The following CHCHD6 variants were observed in gnomAD, a reference collection of about 807,000 sequenced individuals.
CHCHD6 encodes MICOS complex subunit MIC25.
A neutral mutation model predicts 32.3 loss-of-function variants in CHCHD6; 28 were observed. That is an observed-to-expected ratio of 0.87 (90% CI 0.64 to 1.19). CHCHD6 has a LOEUF of 1.19. CHCHD6 is among the 50% of genes most tolerant of loss of function. The probability of loss-of-function intolerance (pLI) is 0.00; values close to 1 mark genes in which losing one functional copy is unlikely to be tolerated. For missense variants in CHCHD6, 333 were observed against 307.0 expected, an observed-to-expected ratio of 1.08 and a Z score of -0.63; for synonymous variants, 122 against 117.5, an observed-to-expected ratio of 1.04 and a Z score of -0.25.
intron 4 of CHCHD6, among the ~76,000 whole-genome samples, chr3:126,766,021 A>AT (rs1253187429): frequency 2.6e-5 from 4 of 152,030 alleles, no homozygotes; most frequent in Non-Finnish European, 4.4e-5. Context: ...TGTAAGGGAC[A>AT]TTTTTTCTGA....
At chr3:126,752,009 C>G (rs982395738) in intron 4 of CHCHD6, among the ~76,000 whole-genome samples, 9 of 152,224 alleles carry the variant, frequency 5.9e-5, no homozygotes, top group African/African-American at 2.2e-4. Flanking sequence ...TTAAAAATCA[C>G]AGCTTTTAGG....
intron 5 of CHCHD6, among the ~76,000 whole-genome samples, chr3:126,914,311 G>A (rs888486574): frequency 3.9e-5 from 6 of 152,178 alleles, no homozygotes; most frequent in Non-Finnish European, 1.5e-5. Flanking sequence ...CTCTATCATA[G>A]CTCCTCAACT....
intron 4 of CHCHD6, among the ~76,000 whole-genome samples, chr3:126,738,500 G>A (rs984134331): frequency 1.3e-5 from 2 of 152,156 alleles, no homozygotes; most frequent in Non-Finnish European, 2.9e-5. Context: ...CATTTTTATT[G>A]TCTTGTTCCT....
At chr3:126,869,190 C>T (rs1276255804) in intron 5 of CHCHD6, among the ~76,000 whole-genome samples, 1 of 151,934 alleles carries the variant, frequency 6.6e-6, no homozygotes, top group Non-Finnish European at 1.5e-5. Context: ...AACAAATAGG[C>T]TCACAGTTTA....
At chr3:126,904,586 A>G (rs1474074609) in intron 5 of CHCHD6, among the ~76,000 whole-genome samples, 3 of 152,220 alleles carry the variant, frequency 2.0e-5, no homozygotes, top group Admixed American at 6.5e-5. Flanking sequence ...ACACACAACT[A>G]CATACATCGG....
At chr3:126,772,024 G>C (rs1441091061) in intron 4 of CHCHD6, among the ~76,000 whole-genome samples, 1 of 152,096 alleles carries the variant, frequency 6.6e-6, no homozygotes, top group African/African-American at 2.4e-5. Context: ...TTAATTGTCT[G>C]CCTCAGTGGT....
At chr3:126,801,886 C>G (rs569346573) in intron 4 of CHCHD6, among the ~76,000 whole-genome samples, 1 of 152,324 alleles carries the variant, frequency 6.6e-6, no homozygotes, top group Non-Finnish European at 1.5e-5. Context: ...AACGATCAGA[C>G]AGCAGCATTC....
intron 4 of CHCHD6, among the ~76,000 whole-genome samples, chr3:126,772,304 T>C (rs144513250): frequency 0.037 from 5,627 of 152,246 alleles, 336 homozygotes; most frequent in African/African-American, 0.13. Context: ...GGTTTCACCA[T>C]GTTAGCCAGG....
intron 5 of CHCHD6, among the ~76,000 whole-genome samples, chr3:126,896,300 C>G (rs753338269): frequency 3.3e-5 from 5 of 152,184 alleles, no homozygotes; most frequent in Non-Finnish European, 4.4e-5. Flanking sequence ...CTCTCCTCTG[C>G]TCTTTGGGAC....
At chr3:126,764,653 T>C (rs1937291540) in intron 4 of CHCHD6, among the ~76,000 whole-genome samples, 1 of 152,128 alleles carries the variant, frequency 6.6e-6, no homozygotes, top group Non-Finnish European at 1.5e-5. Context: ...GGCTAGGACT[T>C]CGGGTGCTGC....
intron 4 of CHCHD6, among the ~76,000 whole-genome samples, chr3:126,847,328 G>T (rs1302873410): frequency 6.6e-6 from 1 of 152,132 alleles, no homozygotes; most frequent in African/African-American, 2.4e-5. Context: ...TGGACTGAGG[G>T]CCTCCGGTCC....
At chr3:126,936,678 C>T (rs1356702295) in intron 6 of CHCHD6, among the ~76,000 whole-genome samples, 1 of 152,142 alleles carries the variant, frequency 6.6e-6, no homozygotes, top group African/African-American at 2.4e-5. Context: ...ACCTCAGCCT[C>T]CCAAGTAGCT....
At chr3:126,776,936 A>G (rs1005072927) in intron 4 of CHCHD6, among the ~76,000 whole-genome samples, 1 of 152,200 alleles carries the variant, frequency 6.6e-6, no homozygotes, top group Non-Finnish European at 1.5e-5. Context: ...AGAAAGTGCC[A>G]GAGCTGTAGG....
intron 5 of CHCHD6, among the ~76,000 whole-genome samples, chr3:126,902,750 G>A (rs530729854): frequency 1.1e-4 from 16 of 150,832 alleles, no homozygotes; most frequent in South Asian, 1.1e-3. Flanking sequence ...TGTAGTGCTC[G>A]GAGACAAGAC....
intron 3 of CHCHD6, among the ~76,000 whole-genome samples, chr3:126,732,691 G>A (rs1256785042): frequency 1.3e-5 from 2 of 152,320 alleles, no homozygotes; most frequent in East Asian, 1.9e-4. Context: ...TATTCAGAAT[G>A]AAGAGTTAAA....
intron 6 of CHCHD6, among the ~76,000 whole-genome samples, chr3:126,947,087 C>T (rs1242491102): frequency 3.3e-5 from 5 of 152,242 alleles, no homozygotes; most frequent in Non-Finnish European, 5.9e-5. Context: ...CGTCTGGTCC[C>T]GAATCCCTCT....
At chr3:126,949,871 A>C (rs2078693053) in intron 6 of CHCHD6, 1 of 154,160 alleles carries the variant, frequency 6.5e-6, no homozygotes, top group Non-Finnish European at 1.4e-5. Flanking sequence ...GCCTTGCCAT[A>C]GATGAGAAGG....
chr3:126,878,841 A>T (rs2077572307), intron 5 of CHCHD6, among the ~76,000 whole-genome samples: 1 of 152,220 alleles, frequency 6.6e-6, no homozygotes, highest in Non-Finnish European at 1.5e-5. Context: ...CTTTGATAAT[A>T]GCATCAGGCA....
At position 126,887,462 on chromosome 3, in the gene CHCHD6, C is replaced by T. The variant is rs373476643; in HGVS notation, c.496-27218C>T. ...ATGCATGTTCTAGAGCTGCCTGGTG[C>T]AAGTGGAGGCTCGTGTGGGAAGATC... On this transcript the variant is annotated intron_variant, in intron 5 of 7. Transcript: ENST00000290913. 4.6e-5 allele frequency among the ~76,000 whole-genome samples: 7 copies of T among 152,242 alleles called. 1 individual carries two copies. The South Asian group carries it at 1.5e-3, about 32-fold the overall frequency.
Sources: allele counts gnomAD v4.1 joint callset (sites outside exome capture counted in the v4.1 genomes callset), GRCh38; gene constraint gnomAD v4.1.1; transcripts MANE v1.5; gene names NCBI Gene and HGNC (gene_info 2026-07-23, HGNC 2026-07-21).